DACH1: variants seen among roughly 807,000 people sequenced by gnomAD.
The protein encoded by DACH1 is dachshund family transcription factor 1.
A neutral mutation model predicts 54.2 loss-of-function variants in DACH1; 12 were observed. The observed-to-expected ratio is 0.22, with a 90% confidence interval of 0.14 to 0.36. The LOEUF is 0.36. DACH1 is among the 10% of genes least tolerant of loss of function. The probability of loss-of-function intolerance (pLI) is 1.00; values close to 1 mark genes in which losing one functional copy is unlikely to be tolerated. For synonymous variants in DACH1, 386 were observed against 366.2 expected (o/e 1.05, Z -0.62); for missense variants, 805 against 929.8 (o/e 0.87, Z 1.75).
chr13:71,847,539 C>T (rs1397000097), intron 1 of DACH1, among the ~76,000 whole-genome samples: 3 of 152,038 alleles, frequency 2.0e-5, no homozygotes, highest in South Asian at 2.1e-4. Context: ...TTTGAAAAAT[C>T]GCCGTATCAT....
intron 1 of DACH1, among the ~76,000 whole-genome samples, chr13:71,695,387 G>A (rs866450341): frequency 7.2e-5 from 11 of 152,218 alleles, no homozygotes; most frequent in East Asian, 3.9e-4. Flanking sequence ...TCCAAAAGTC[G>A]TCTTCTTATT....
chr13:71,816,028 T>C (rs567677229), intron 1 of DACH1, among the ~76,000 whole-genome samples: 2,463 of 151,730 alleles, frequency 0.016, 63 homozygotes, highest in African/African-American at 0.055. Context: ...GAGCTTGCAG[T>C]GAGCCGAGAT....
At chr13:71,645,923 G>T (rs762992012) in intron 2 of DACH1, among the ~76,000 whole-genome samples, 6 of 152,136 alleles carry the variant, frequency 3.9e-5, no homozygotes, top group African/African-American at 9.7e-5. Context: ...TGAAACTTGA[G>T]AAATTTCAAG....
chr13:71,729,489 A>G (rs766679155), intron 1 of DACH1, among the ~76,000 whole-genome samples: 1 of 152,104 alleles, frequency 6.6e-6, no homozygotes, highest in Non-Finnish European at 1.5e-5. Flanking sequence ...ATGGTAGTCT[A>G]TCACTAGTAA....
At chr13:71,480,075 T>C (rs770099757) in intron 7 of DACH1, among the ~76,000 whole-genome samples, 3 of 152,210 alleles carry the variant, frequency 2.0e-5, no homozygotes, top group Non-Finnish European at 4.4e-5. Flanking sequence ...TTTATTAAAA[T>C]GTAAGCTCTC....
intron 6 of DACH1, among the ~76,000 whole-genome samples, chr13:71,498,284 C>T (rs1386447991): frequency 6.6e-6 from 1 of 152,080 alleles, no homozygotes; most frequent in Admixed American, 6.5e-5. Flanking sequence ...TCGCAGCTAC[C>T]TAACATATAG....
At chr13:71,511,729 T>G (rs1226466638) in intron 6 of DACH1, among the ~76,000 whole-genome samples, 8 of 151,962 alleles carry the variant, frequency 5.3e-5, no homozygotes, top group Non-Finnish European at 1.0e-4. Flanking sequence ...GGTATGGAAC[T>G]AAAATTATAA....
At chr13:71,454,715 G>A (rs995100170) in intron 10 of DACH1, among the ~76,000 whole-genome samples, 1 of 152,208 alleles carries the variant, frequency 6.6e-6, no homozygotes, top group African/African-American at 2.4e-5. Context: ...TAGTCAGCTT[G>A]GAAGTGGAGT....
intron 1 of DACH1, among the ~76,000 whole-genome samples, chr13:71,775,302 A>C (rs1045945577): frequency 6.6e-6 from 1 of 150,802 alleles, no homozygotes; most frequent in African/African-American, 2.5e-5. Flanking sequence ...AAGTCTCTTC[A>C]AGAAAAACAA....
intron 1 of DACH1, among the ~76,000 whole-genome samples, chr13:71,808,247 T>C (rs1420565032): frequency 3.9e-5 from 6 of 152,190 alleles, no homozygotes; most frequent in Non-Finnish European, 5.9e-5. Flanking sequence ...ATAGTTGTAA[T>C]GCCTCTTTAC....
At position 71,793,083 on chromosome 13, in the gene DACH1, T is replaced by C. The variant is rs150602970; in HGVS notation, c.848+72839A>G. On this transcript the variant is annotated intron_variant, in intron 1 of 10. Transcript: ENST00000613252. ...TATCAAACATATTAAGAAAAATACA[T>C]TTTTAAAGTTTTAACTGAAATAATG... Among the ~76,000 whole-genome samples the C allele has an allele frequency of 9.5e-4, 144 of 152,310 alleles. 2 individuals carry two copies. Among genetic ancestry groups the C allele is most frequent in the African/African-American group, 3.2e-3 (134 of 41,576 alleles).
intron 1 of DACH1, among the ~76,000 whole-genome samples, chr13:71,743,833 A>T (rs1884501580): frequency 6.6e-6 from 1 of 152,208 alleles, no homozygotes; most frequent in African/African-American, 2.4e-5. Context: ...AAATGACTGA[A>T]TCCCTTTGCA....
At chr13:71,835,804 A>G (rs1447888621) in intron 1 of DACH1, among the ~76,000 whole-genome samples, 4 of 52,368 alleles carry the variant, frequency 7.6e-5, no homozygotes, top group African/African-American at 1.4e-4. Context: ...AAACAACAAC[A>G]AAAAAATCAC....
chr13:71,493,383 C>A (rs1056763057), intron 6 of DACH1, among the ~76,000 whole-genome samples: 4 of 152,108 alleles, frequency 2.6e-5, no homozygotes, highest in African/African-American at 9.7e-5. Flanking sequence ...GCAGCCCTGG[C>A]TGACAGGTTG....
chr13:71,667,356 A>T (rs972385839), intron 2 of DACH1, among the ~76,000 whole-genome samples: 1 of 152,208 alleles, frequency 6.6e-6, no homozygotes, highest in Non-Finnish European at 1.5e-5. Context: ...TGCTGGACAG[A>T]CAGTCAACAT....
intron 1 of DACH1, among the ~76,000 whole-genome samples, chr13:71,805,483 C>A (rs1887461035): frequency 6.6e-6 from 1 of 152,172 alleles, no homozygotes; most frequent in Non-Finnish European, 1.5e-5. Flanking sequence ...TTTGCAGAAG[C>A]TTTAATTCAC....
Position 71,795,501 on chromosome 13 carries a change from C to T in DACH1, c.848+70421G>A, listed in dbSNP as rs565564670. Among the ~76,000 whole-genome samples, 3 of 152,202 alleles carry T rather than the reference C, an allele frequency of 2.0e-5. No homozygotes were observed. The South Asian group carries it at 6.2e-4, about 32-fold the overall frequency. ...GGCTGGTAACTCTTTGTCTATAATCCCACAGCATTCTCATTTTACACTGAA... is the reference window on the plus strand; with the variant it reads ...GGCTGGTAACTCTTTGTCTATAATCTCACAGCATTCTCATTTTACACTGAA... On this transcript the variant is annotated intron_variant, in intron 1 of 10. Coordinates refer to ENST00000613252, the MANE Select transcript of DACH1 (RefSeq NM_080759.6).
chr13:71,690,200 A>T (rs1881404164), intron 1 of DACH1, among the ~76,000 whole-genome samples: 1 of 152,196 alleles, frequency 6.6e-6, no homozygotes, highest in Admixed American at 6.5e-5. Flanking sequence ...ATATTTTGTG[A>T]GACTGAAATG....
intron 2 of DACH1, among the ~76,000 whole-genome samples, chr13:71,666,588 T>G (rs980312332): frequency 6.6e-6 from 1 of 152,168 alleles, no homozygotes; most frequent in Non-Finnish European, 1.5e-5. Flanking sequence ...CAGTTGAACA[T>G]GTAATAATCA....
Sources: allele counts gnomAD v4.1 joint callset (sites outside exome capture counted in the v4.1 genomes callset), GRCh38; gene constraint gnomAD v4.1.1; transcripts MANE v1.5; gene names NCBI Gene and HGNC (gene_info 2026-07-23, HGNC 2026-07-21).